Variants in GRIN2D observed in about 807,000 individuals in gnomAD.
GRIN2D encodes glutamate receptor ionotropic, NMDA 2D.
GRIN2D carries 37 observed loss-of-function variants against 103.2 expected under a neutral mutation model. That is an observed-to-expected ratio of 0.36 (90% CI 0.28 to 0.47). GRIN2D has a LOEUF of 0.47. GRIN2D is among the 20% of genes least tolerant of loss of function. The pLI, the probability that GRIN2D is intolerant of heterozygous loss-of-function variation, is 1.00. For missense variants in GRIN2D, 1,557 were observed against 1,910.6 expected, an observed-to-expected ratio of 0.81 and a Z score of 3.45; for synonymous variants, 845 against 885.6, an observed-to-expected ratio of 0.95 and a Z score of 0.81.
rs564466445 is a variant in GRIN2D at position 48,436,943 on chromosome 19, C to T, written c.2253-4826C>T. 3.3e-5 allele frequency among the ~76,000 whole-genome samples: 5 copies of T among 152,064 alleles called. No individual in the cohort carries two copies. The South Asian group carries it at 8.3e-4, about 25-fold the overall frequency. The stretch of plus-strand genomic sequence containing the variant: ...AGGTGATCCAAGTCACTCTGAGTGA[C>T]GAGGGGAGCCAAGAGGGGGTGGTGA... On this transcript the variant is annotated intron_variant, in intron 11 of 13. Transcript: ENST00000263269.
intron 4 of GRIN2D, among the ~76,000 whole-genome samples, chr19:48,412,455 AAG>A (rs1006353624): frequency 4.0e-5 from 6 of 150,756 alleles, no homozygotes; most frequent in Non-Finnish European, 7.4e-5. Context: ...GAAAGAAAGA[AAG>A]AAAGAAAGAA....
chr19:48,406,533 T>C (rs559352840), intron 4 of GRIN2D, among the ~76,000 whole-genome samples: 2 of 152,212 alleles, frequency 1.3e-5, no homozygotes, highest in Admixed American at 1.3e-4. Flanking sequence ...TGAGAACTGG[T>C]GACTTGGGAA....
intron 11 of GRIN2D, among the ~76,000 whole-genome samples, chr19:48,431,705 C>T (rs1308551406): frequency 6.6e-6 from 1 of 151,880 alleles, no homozygotes; most frequent in Non-Finnish European, 1.5e-5. Context: ...CTGTCTCAGC[C>T]TCCCAAGCAG....
intron 2 of GRIN2D, among the ~76,000 whole-genome samples, chr19:48,396,178 C>A (rs780295043): frequency 6.9e-6 from 1 of 145,862 alleles, no homozygotes; most frequent in East Asian, 2.0e-4. Flanking sequence ...GAGATGGAGG[C>A]GGGGGGAGCG....
At chr19:48,440,971 G>A (rs2147474021) in intron 11 of GRIN2D, among the ~76,000 whole-genome samples, 1 of 152,306 alleles carries the variant, frequency 6.6e-6, no homozygotes, top group Admixed American at 6.5e-5. Flanking sequence ...TTACAGCCAT[G>A]AGCTACCATG....
At chr19:48,420,434 A>C (rs1569066129) in intron 10 of GRIN2D, among the ~76,000 whole-genome samples, 1 of 152,164 alleles carries the variant, frequency 6.6e-6, no homozygotes. Context: ...TCTCAAAAAA[A>C]CAAAAAACTG....
chr19:48,440,401 TG>T (rs1971277520), intron 11 of GRIN2D, among the ~76,000 whole-genome samples: 1 of 152,066 alleles, frequency 6.6e-6, no homozygotes, highest in Non-Finnish European at 1.5e-5. Flanking sequence ...GAGCCCAGCC[TG>T]GGCAACATGG....
At position 48,398,684 on chromosome 19, in the gene GRIN2D, A is replaced by G; in HGVS notation, c.292A>G (p.Ser98Gly). ...ALVLNGSDPR[S>G]LVLQLCDLLS... ...GGTGCTCAACGGCTCGGACCCGCGC[A>G]GCCTCGTGCTGCAGCTCTGCGACCT... is the stretch of plus-strand genomic sequence containing the variant. The change falls in exon 3 of 14, where the codon AGC becomes GGC. Residue 98 changes from serine to glycine, a missense_variant. Ser to Gly is a moderately conservative substitution (Grantham distance 56). This residue lies in a region of GRIN2D where 490 missense variants were observed against 601.1 expected (regional missense o/e 0.82). Transcript: ENST00000263269. 6.8e-7 allele frequency: 1 copy of G among 1,459,964 alleles called. No homozygotes were observed. Among genetic ancestry groups the G allele is most frequent in the Non-Finnish European group, 9.0e-7 (1 of 1,110,266 alleles). The allele number at this position is 1,459,964 out of a possible 1,614,324, so 90.4% of individuals were successfully genotyped here.
rs278060 is a variant in GRIN2D, at chr19:48,422,428, T to C, written c.2252+483T>C. Among the ~76,000 whole-genome samples the C allele has an allele frequency of 4.4e-3, 673 of 152,070 alleles. 4 individuals are homozygous for C. The highest frequency in any genetic ancestry group is 6.2e-3 in the Admixed American group (94 of 15,256). ...GAGATCGAGACCATCCTGGCCAACA[T>C]GGTGAAACCTGGTCTCTACAAAAAA... On this transcript the variant is annotated intron_variant, in intron 11 of 13. Coordinates refer to ENST00000263269, the MANE Select transcript of GRIN2D (RefSeq NM_000836.4).
intron 3 of GRIN2D, among the ~76,000 whole-genome samples, chr19:48,402,443 C>T (rs991616035): frequency 7.9e-5 from 12 of 152,006 alleles, no homozygotes; most frequent in African/African-American, 2.7e-4. Context: ...CCTGGCCGGG[C>T]GCGGTGGCTC....
At chr19:48,401,730 G>A (rs1228310693) in intron 3 of GRIN2D, among the ~76,000 whole-genome samples, 1 of 152,188 alleles carries the variant, frequency 6.6e-6, no homozygotes, top group Non-Finnish European at 1.5e-5. Context: ...CAATTGAGAA[G>A]GGATGTGATC....
intron 4 of GRIN2D, among the ~76,000 whole-genome samples, chr19:48,412,056 G>A (rs1406488367): frequency 1.3e-5 from 2 of 151,934 alleles, no homozygotes; most frequent in East Asian, 1.9e-4. Flanking sequence ...GCTGGGCGTG[G>A]TGGCTCATGC....
chr19:48,395,738 G>T (rs1367656448), intron 2 of GRIN2D, among the ~76,000 whole-genome samples: 1 of 151,532 alleles, frequency 6.6e-6, no homozygotes, highest in African/African-American at 2.4e-5. Flanking sequence ...AGAGCTCGGT[G>T]GGGGGGCACC....
intron 3 of GRIN2D, among the ~76,000 whole-genome samples, chr19:48,401,480 T>C (rs1970710466): frequency 6.6e-6 from 1 of 151,988 alleles, no homozygotes; most frequent in African/African-American, 2.4e-5. Context: ...AGGTCTGGCA[T>C]GGAGGAGGTA....
intron 11 of GRIN2D, among the ~76,000 whole-genome samples, chr19:48,437,143 A>G (rs1012492089): frequency 2.0e-5 from 3 of 152,062 alleles, no homozygotes; most frequent in African/African-American, 7.3e-5. Context: ...TGTTTTCGAG[A>G]CAGGGTCTCC....
chr19:48,412,053 G>A (rs1970868751), intron 4 of GRIN2D, among the ~76,000 whole-genome samples: 1 of 151,802 alleles, frequency 6.6e-6, no homozygotes, highest in Non-Finnish European at 1.5e-5. Context: ...GAGGCTGGGC[G>A]TGGTGGCTCA....
chr19:48,433,952 T>C (rs913292328), intron 11 of GRIN2D, among the ~76,000 whole-genome samples: 5 of 138,530 alleles, frequency 3.6e-5, no homozygotes, highest in Non-Finnish European at 4.6e-5. Flanking sequence ...GCTTCTTTTC[T>C]TTTTTTTTTT....
chr19:48,418,626 G>T (rs1239853830), intron 8 of GRIN2D, among the ~76,000 whole-genome samples: 1 of 152,138 alleles, frequency 6.6e-6, no homozygotes, highest in Non-Finnish European at 1.5e-5. Flanking sequence ...GCAGGAGCGT[G>T]GGGCTGGATA....
Position 48,398,357 on chromosome 19 carries a change from G to C in GRIN2D, c.-26-10G>C, listed in dbSNP as rs1970667893. ...CTCTCCTCCCCGTCTCTCCCGGCCCGGGCGCTCAGAGGCCGCCCGGCGGGG... is the reference window on the plus strand; with the variant it reads ...CTCTCCTCCCCGTCTCTCCCGGCCCCGGCGCTCAGAGGCCGCCCGGCGGGG... On this transcript the variant is annotated splice_polypyrimidine_tract_variant and intron_variant, in intron 2 of 13. Transcript: ENST00000263269. 1 of 1,090,516 alleles carries C rather than the reference G, an allele frequency of 9.2e-7. No individual in the cohort carries two copies. The allele number at this position is 1,090,516 out of a possible 1,614,324, so 67.6% of individuals were successfully genotyped here.
Sources: gnomAD v4.1 joint callset for allele counts (sites outside exome capture counted in the v4.1 genomes callset) on GRCh38, gnomAD v4.1.1 for gene constraint, gnomAD v4.1.1 regional missense constraint, MANE v1.5 for transcripts, NCBI Gene and HGNC (gene_info 2026-07-23, HGNC 2026-07-21) for gene names.